Variants in ZNF248 observed in about 807,000 individuals in gnomAD.
ZNF248 encodes the protein zinc finger protein 248, also known as KRAB protein domain.
In ZNF248, 20 loss-of-function variants were observed where a neutral mutation model predicts 44.3. That is an observed-to-expected ratio of 0.45 (90% CI 0.32 to 0.66). The LOEUF is 0.66. Ranked by LOEUF, ZNF248 falls within the 30% of genes least tolerant of loss-of-function variation. ZNF248 has a pLI of 0.04. For synonymous variants in ZNF248, 224 were observed against 229.0 expected (o/e 0.98, Z 0.20); for missense variants, 654 against 677.0 (o/e 0.97, Z 0.38).
the ZNF248 span, among the ~76,000 whole-genome samples, chr10:37,763,720 A>G: frequency 0.27 from 41,580 of 152,158 alleles, 6,061 homozygotes; most frequent in Middle Eastern, 0.38. Flanking sequence ...GACCCTGAAC[A>G]GAGGGACCGG....
chr10:37,827,288 G>A (rs1564549138), downstream of ZNF248, among the ~76,000 whole-genome samples: 1 of 152,212 alleles, frequency 6.6e-6, no homozygotes, highest in Non-Finnish European at 1.5e-5. Context: ...TCAGTAAAGG[G>A]AGAATTTTTG....
In ZNF248 at chr10:37,836,682, A is replaced by G. The variant is rs1315781570; in HGVS notation, c.238+935T>C. ...TTCCTGTGTGAATTCTCTTCACAGCACTTACCATGACCCAACACAGTGTGT... is the reference window on the plus strand; with the variant it reads ...TTCCTGTGTGAATTCTCTTCACAGCGCTTACCATGACCCAACACAGTGTGT... On this transcript the variant is annotated intron_variant, in intron 5 of 5. Transcript: ENST00000395867. Among the ~76,000 whole-genome samples the G allele has an allele frequency of 3.9e-5, 6 of 151,990 alleles. No homozygotes were observed. In the East Asian group the frequency reaches 1.2e-3, roughly 29 times the overall value.
intron 6 of ZNF248, among the ~76,000 whole-genome samples, chr10:37,815,023 C>T (rs1205861005): frequency 1.3e-5 from 2 of 152,112 alleles, no homozygotes; most frequent in African/African-American, 4.8e-5. Flanking sequence ...TATATTCATC[C>T]ACTTGATGGT....
chr10:37,818,847 T>C (rs2052993742), intron 6 of ZNF248: 5 of 952,162 alleles, frequency 5.3e-6, no homozygotes, highest in African/African-American at 1.6e-5. Flanking sequence ...TAGTATTCTC[T>C]TGTAGGATGT....
At chr10:37,779,977 C>T (rs2047080592) in intron 6 of ZNF248, among the ~76,000 whole-genome samples, 2 of 150,292 alleles carry the variant, frequency 1.3e-5, no homozygotes, top group South Asian at 4.2e-4. Context: ...AGGACCTCTT[C>T]AAGGAGAACT....
Position 37,831,707 on chromosome 10 carries a change from A to G in ZNF248, c.1648T>C (p.Cys550Arg). Residue 550 changes from cysteine (C) to arginine (R), a missense_variant, in exon 6 of 6, where the codon TGT (cysteine) becomes CGT (arginine). Cys to Arg is a radical substitution (Grantham distance 180). Coordinates refer to ENST00000395867, the MANE Select transcript of ZNF248 (RefSeq NM_021045.3). ...RTHTGEKPYE[C>R]NACGKTFSQR... The stretch of plus-strand genomic sequence containing the variant: ...CTAAAGGTCTTCCCACATGCATTAC[A>G]CTCATACGGCTTCTCCCCTGTGTGA... The G allele has an allele frequency of 6.2e-7, 1 of 1,613,894 alleles. No individual in the cohort carries two copies. The highest frequency in any genetic ancestry group is 2.2e-5 in the East Asian group (1 of 44,860).
At chr10:37,781,937 C>T (rs2047364740) in intron 6 of ZNF248, among the ~76,000 whole-genome samples, 1 of 152,206 alleles carries the variant, frequency 6.6e-6, no homozygotes, top group Non-Finnish European at 1.5e-5. Context: ...TCCCAGTATC[C>T]ATTGTAATTG....
chr10:37,796,747 G>A (rs1234645115), intron 6 of ZNF248, among the ~76,000 whole-genome samples: 3 of 148,980 alleles, frequency 2.0e-5, no homozygotes, highest in African/African-American at 7.5e-5. Flanking sequence ...TGTTTAATTC[G>A]ATTTTACATC....
chr10:37,822,010 G>A (rs1030509311), intron 6 of ZNF248, among the ~76,000 whole-genome samples: 12 of 152,160 alleles, frequency 7.9e-5, no homozygotes, highest in African/African-American at 2.9e-4. Context: ...TCAGAGGCTG[G>A]AGACAACATA....
At chr10:37,764,428 T>C in the ZNF248 span, among the ~76,000 whole-genome samples, 11 of 152,236 alleles carry the variant, frequency 7.2e-5, no homozygotes, top group African/African-American at 2.7e-4. Flanking sequence ...ACCCCAGTCC[T>C]GTGATTTCGC....
Position 37,838,004 on chromosome 10 carries a change from A to G in ZNF248, c.123T>C (p.Tyr41=), listed in dbSNP as rs373385680. ...ILYRDVILEN[Y]SNLVSVGYCI... ...CCTTACCTACTGAGACAAGATTGCT[A>G]TAATTTTCCAGGATCACATCTCTGT... Residue 41 remains tyrosine (Y), a synonymous_variant, in exon 4 of 6, where the codon TAT becomes TAC. Transcript: ENST00000395867. The G allele has an allele frequency of 9.9e-6, 16 of 1,613,544 alleles. No homozygotes were observed. The highest frequency in any genetic ancestry group is 1.4e-5 in the Non-Finnish European group (16 of 1,179,726).
chr10:37,848,382 G>A (rs1327773854), intron 3 of ZNF248, among the ~76,000 whole-genome samples: 5 of 151,944 alleles, frequency 3.3e-5, no homozygotes, highest in African/African-American at 1.2e-4. Context: ...TCAGGAGTTC[G>A]AGAACAGCCT....
intron 6 of ZNF248, among the ~76,000 whole-genome samples, chr10:37,780,673 G>A (rs1290497528): frequency 6.6e-6 from 1 of 152,118 alleles, no homozygotes; most frequent in Non-Finnish European, 1.5e-5. Context: ...CCCTTCCAGG[G>A]CCAAGGCGCG....
downstream of ZNF248, among the ~76,000 whole-genome samples, chr10:37,827,230 G>C (rs1430213980): frequency 6.6e-6 from 1 of 152,238 alleles, no homozygotes; most frequent in Non-Finnish European, 1.5e-5. Flanking sequence ...CTGAGTTGAA[G>C]AAATTCTGAA....
At chr10:37,815,991 GAA>G (rs71007668) in intron 6 of ZNF248, among the ~76,000 whole-genome samples, 4 of 130,116 alleles carry the variant, frequency 3.1e-5, no homozygotes, top group Non-Finnish European at 1.6e-5. Context: ...TCCGATAATG[GAA>G]AAAAAAAAAA....
At chr10:37,789,462 T>A (rs2048260456) in intron 6 of ZNF248, among the ~76,000 whole-genome samples, 2 of 152,306 alleles carry the variant, frequency 1.3e-5, no homozygotes, top group Admixed American at 6.5e-5. Context: ...TGGTGTTTTA[T>A]GGTAATCTAG....
the ZNF248 span, among the ~76,000 whole-genome samples, chr10:37,770,558 T>C: frequency 2.6e-5 from 4 of 152,186 alleles, no homozygotes; most frequent in African/African-American, 9.7e-5. Context: ...CTGGGAAAAC[T>C]GGCTAGCCAT....
chr10:37,791,714 A>G (rs1451738908), intron 6 of ZNF248: 1 of 152,246 alleles, frequency 6.6e-6, no homozygotes, highest in Non-Finnish European at 1.5e-5. Context: ...AAATGCAATA[A>G]ACATTTTAAT....
intron 3 of ZNF248, among the ~76,000 whole-genome samples, chr10:37,838,542 T>G (rs2057692406): frequency 6.6e-6 from 1 of 152,184 alleles, no homozygotes; most frequent in African/African-American, 2.4e-5. Context: ...GGGATTGAAA[T>G]GAATATGACC....
Sources: gnomAD v4.1 joint callset for allele counts (sites outside exome capture counted in the v4.1 genomes callset) on GRCh38, gnomAD v4.1.1 for gene constraint, MANE v1.5 for transcripts, NCBI Gene and HGNC (gene_info 2026-07-23, HGNC 2026-07-21) for gene names.